Variants in CD2BP2 observed in about 807,000 individuals in gnomAD.
CD2BP2 encodes the protein CD2 antigen cytoplasmic tail-binding protein 2.
Under a neutral mutation model 35.9 loss-of-function variants are expected in CD2BP2, and 27 were observed. The ratio of observed to expected loss-of-function variants is 0.75; its 90% CI spans 0.55 to 1.04. The LOEUF (loss-of-function observed/expected upper bound fraction) is 1.04, where lower values mean the gene tolerates loss of function less well. Among genes scored for constraint, CD2BP2 ranks in the 50% least tolerant of loss-of-function variants. The probability of loss-of-function intolerance (pLI) is 0.00; values close to 1 mark genes in which losing one functional copy is unlikely to be tolerated. For synonymous variants in CD2BP2, 213 were observed against 173.5 expected (o/e 1.23, Z -1.79); for missense variants, 497 against 444.3 (o/e 1.12, Z -1.07).
chr16:30,352,786 G>C lies in CD2BP2; in HGVS notation c.*199C>G, dbSNP rs571726019. ...TGGGAGTACTCAGGGACCAAGACAA[G>C]TCCAAAGGGACTGTGGAGAAGGCCC... On this transcript the variant is annotated 3_prime_UTR_variant, in exon 7 of 7. Coordinates refer to ENST00000305596, the MANE Select transcript of CD2BP2 (RefSeq NM_006110.3). The C allele has an allele frequency of 8.9e-5, 53 of 593,188 alleles. No homozygotes were observed. Among genetic ancestry groups the C allele is most frequent in the African/African-American group, 8.9e-4 (48 of 53,744 alleles). The allele number at this position is 593,188 out of a possible 1,614,324, so 36.7% of individuals were successfully genotyped here.
Position 30,353,443 on chromosome 16 carries a change from G to C in CD2BP2, c.733C>G (p.Pro245Ala), listed in dbSNP as rs1334591609. Residue 245 changes from proline to alanine, a missense_variant, in exon 5 of 7, where the codon CCA (proline) becomes GCA (alanine). Transcript: ENST00000305596. ...TCAGCGAACATGTCCAGGGAGGGTG[G>C]GGGTGTGGGATTGTGGGGTCCTAGG... ...QTLGPHNPTPPPSLDMFAEEL... is the reference protein window; with the variant it reads ...QTLGPHNPTPAPSLDMFAEEL... The C allele has an allele frequency of 1.2e-6, 2 of 1,614,120 alleles. No individual in the cohort carries two copies.
rs753738079 is a variant in CD2BP2 at position 30,353,402 on chromosome 16, C to G, written c.774G>C (p.Glu258Asp). The G allele has an allele frequency of 6.2e-7, 1 of 1,614,046 alleles. No individual in the cohort carries two copies. Among genetic ancestry groups the G allele is most frequent in the African/African-American group, 1.3e-5 (1 of 74,920 alleles). Residue 258 changes from glutamate (E) to aspartate (D), a missense_variant, in exon 5 of 7, where the codon GAG (glutamate) becomes GAC (aspartate). By Grantham distance (45) the Glu-to-Asp change is conservative. Coordinates refer to ENST00000305596, the MANE Select transcript of CD2BP2 (RefSeq NM_006110.3). ...GGGTAGGGGTTGGGGTCTCCAGTTC[C>G]TCCTCCGCCAACTCCTCAGCGAACA... ...LDMFAEELAE[E>D]ELETPTPTQR...
chr16:30,351,030 A>T lies in CD2BP2; in HGVS notation c.*1955T>A, dbSNP rs1337797953. 1 of 152,458 alleles carries T rather than the reference A, an allele frequency of 6.6e-6. No homozygotes were observed. The highest frequency in any genetic ancestry group is 2.4e-5 in the African/African-American group (1 of 41,372). 9.4% of individuals were successfully genotyped at this position (152,458 alleles called of 1,614,324 possible). ...CCCTTCCCTTATAAGGGCCCCCATG[A>T]TTACTCAGGGCCCACCTCAACCATC... is the stretch of plus-strand genomic sequence containing the variant. On this transcript the variant is annotated 3_prime_UTR_variant, in exon 7 of 7. Transcript: ENST00000305596.
At chr16:30,354,465 C>CTT in intron 2 of CD2BP2, 139 bp downstream of exon 2, 1 of 1,355,758 alleles carries the variant, frequency 7.4e-7, no homozygotes, top group Non-Finnish European at 1.0e-6. Context: ...ACTAAAGACG[C>CTT]TCCCAACCCA....
At chr16:30,354,147 G>A in intron 3 of CD2BP2, 37 bp downstream of exon 3, 1 of 1,613,406 alleles carries the variant, frequency 6.2e-7, no homozygotes, top group Middle Eastern at 1.7e-4. Flanking sequence ...GCCCCTACTT[G>A]TTTTTCCAGC....
rs1275657819 is a variant in CD2BP2, at chr16:30,353,502, A to C, written c.674T>G (p.Leu225Trp). ...CCCCAAACCCTTCAGACGCATAGCC[A>C]ACCGTTCCCTTGTTTCCTGGTACAC... is the stretch of plus-strand genomic sequence containing the variant. The part of the protein sequence containing the change: ...LGVYQETRER[L>W]AMRLKGLGCQ... Residue 225 changes from leucine to tryptophan, a missense_variant, in exon 5 of 7, where the codon TTG becomes TGG. By Grantham distance (61) the Leu-to-Trp change is moderately conservative. Transcript: ENST00000305596. The C allele has an allele frequency of 6.8e-6, 11 of 1,614,058 alleles. No individual in the cohort carries two copies. The highest frequency in any genetic ancestry group is 1.3e-5 in the African/African-American group (1 of 74,924).
chr16:30,354,472 C>T, intron 2 of CD2BP2, 132 bp downstream of exon 2: 6 of 1,353,882 alleles, frequency 4.4e-6, no homozygotes, highest in Non-Finnish European at 6.2e-6. Context: ...ACGCTCCCAA[C>T]CCATTCCTCA....
rs1376672352 is a variant in CD2BP2, at chr16:30,353,692, A to C, written c.484T>G (p.Leu162Val). ...MSAQALLEGL[L>V]ELLLPRETVA... is the part of the protein sequence containing the mutation. Reference sequence around the variant, plus strand: ...GTCTCTCTAGGCAATAGGAGCTCCAAAAGTCCCTCCAAGAGGGCTTGGGCA... The same window carrying C: ...GTCTCTCTAGGCAATAGGAGCTCCACAAGTCCCTCCAAGAGGGCTTGGGCA... Residue 162 changes from leucine (L) to valine (V), a missense_variant, in exon 5 of 7, where the codon TTG becomes GTG. Transcript: ENST00000305596. 8 of 1,613,688 alleles carry C rather than the reference A, an allele frequency of 5.0e-6. No homozygotes were observed. Among genetic ancestry groups the C allele is most frequent in the Non-Finnish European group, 5.9e-6 (7 of 1,179,956 alleles).
At chr16:30,354,442 T>C (rs2049516410) in intron 2 of CD2BP2, 120 bp from the exon 3 acceptor site, 1 of 1,400,400 alleles carries the variant, frequency 7.1e-7, no homozygotes, top group Non-Finnish European at 9.8e-7. Flanking sequence ...TCCCCAAATA[T>C]TTCAGGAGCC....
intron 1 of CD2BP2, 80 bp from the exon 2 acceptor site, chr16:30,354,787 G>C (rs1282353119): frequency 9.8e-7 from 1 of 1,015,860 alleles, no homozygotes; most frequent in Non-Finnish European, 1.6e-6. Flanking sequence ...CATTTTTCCT[G>C]GTCTGTGACA....
At position 30,353,602 on chromosome 16, in the gene CD2BP2, G is replaced by T; in HGVS notation, c.574C>A (p.Gln192Lys). The change falls in exon 5 of 7, where the codon CAA becomes AAA. Residue 192 changes from glutamine (Q) to lysine (K), a missense_variant. Coordinates refer to ENST00000305596, the MANE Select transcript of CD2BP2 (RefSeq NM_006110.3). ...GGGKGRKGPG[Q>K]PSSPQRLDRL... is the part of the protein sequence containing the mutation. Reference sequence around the variant, plus strand: ...TCCAGGCGCTGAGGGGAACTGGGTTGCCCAGGCCCCTTTCTCCCTTTGCCT... The same window carrying T: ...TCCAGGCGCTGAGGGGAACTGGGTTTCCCAGGCCCCTTTCTCCCTTTGCCT... The T allele has an allele frequency of 6.2e-7, 1 of 1,613,898 alleles. No homozygotes were observed. Among genetic ancestry groups the T allele is most frequent in the East Asian group, 2.2e-5 (1 of 44,876 alleles).
rs1358213083 is a variant in CD2BP2, at chr16:30,354,207, A to C, written c.194T>G (p.Ile65Ser). 6.2e-7 allele frequency: 1 copy of C among 1,614,010 alleles called. No individual in the cohort carries two copies. The highest frequency in any genetic ancestry group is 8.5e-7 in the Non-Finnish European group (1 of 1,179,988). Residue 65 changes from isoleucine to serine, a missense_variant, in exon 3 of 7, where the codon ATC (isoleucine) becomes AGC (serine). Coordinates refer to ENST00000305596, the MANE Select transcript of CD2BP2 (RefSeq NM_006110.3). Reference protein sequence around the residue: ...DDDGGSSKYDILASEDVEGQE... With the variant: ...DDDGGSSKYDSLASEDVEGQE... ...ACCTTCTACATCCTCTGAGGCCAAG[A>C]TGTCATATTTGCTGGACCCCCCATC...
rs2049480084 is a variant in CD2BP2 at position 30,351,347 on chromosome 16, G to T, written c.*1638C>A. On this transcript the variant is annotated 3_prime_UTR_variant, in exon 7 of 7. Transcript: ENST00000305596. ...CAGCACCCCTGAGACCATCCCTGGGGCCTACAGGAGAACCCTGTACCTCAG... is the reference window on the plus strand; with the variant it reads ...CAGCACCCCTGAGACCATCCCTGGGTCCTACAGGAGAACCCTGTACCTCAG... 1 of 152,302 alleles carries T rather than the reference G, an allele frequency of 6.6e-6. No individual in the cohort carries two copies. Among genetic ancestry groups the T allele is most frequent in the South Asian group, 2.1e-4 (1 of 4,832 alleles). 9.4% of individuals were successfully genotyped at this position (152,302 alleles called of 1,614,324 possible).
rs1237844480 is a variant in CD2BP2 at position 30,353,696 on chromosome 16, T to A, written c.480A>T (p.Gly160=). The A allele has an allele frequency of 4.3e-6, 7 of 1,613,600 alleles. No homozygotes were observed. The highest frequency in any genetic ancestry group is 5.9e-6 in the Non-Finnish European group (7 of 1,179,938). The part of the protein sequence containing the change: ...TSMSAQALLE[G]LLELLLPRET... ...CTCTAGGCAATAGGAGCTCCAAAAG[T>A]CCCTCCAAGAGGGCTTGGGCACTCA... The change falls in exon 5 of 7, where the codon GGA becomes GGT. Residue 160 remains glycine, a synonymous_variant. Transcript: ENST00000305596.
intron 4 of CD2BP2, 24 bp from the exon 5 acceptor site, chr16:30,353,824 T>C: frequency 6.2e-7 from 1 of 1,605,850 alleles, no homozygotes; most frequent in East Asian, 2.2e-5. Flanking sequence ...ATGGAGTGAT[T>C]TCCCACCAAC....
In CD2BP2 at chr16:30,354,240, T is replaced by C. The variant is rs763155503; in HGVS notation, c.161A>G (p.Asp54Gly). ...KHSLDSDEEE[D>G]DDDGGSSKYD... ...TTTGCTGGACCCCCCATCATCATCA[T>C]CCTCCTCCTCATCGCTATCCAAAGA... is the stretch of plus-strand genomic sequence containing the variant. Residue 54 changes from aspartate (D) to glycine (G), a missense_variant, in exon 3 of 7, where the codon GAT becomes GGT. By Grantham distance (94) the Asp-to-Gly change is moderately conservative. Transcript: ENST00000305596. 3.7e-6 allele frequency: 6 copies of C among 1,613,794 alleles called. No homozygotes were observed. Among genetic ancestry groups the C allele is most frequent in the Non-Finnish European group, 3.4e-6 (4 of 1,179,976 alleles).
intron 3 of CD2BP2, 53 bp downstream of exon 3, chr16:30,354,131 C>T: frequency 1.9e-6 from 3 of 1,613,034 alleles, no homozygotes; most frequent in Non-Finnish European, 2.5e-6. Context: ...CTCCACACCA[C>T]CAGAGGCCCC....
Position 30,353,141 on chromosome 16 carries a change from GAAGCAGGGACAAGGCAGGAGGAGGGAGA to G in CD2BP2, c.915+12_915+39del, listed in dbSNP as rs2049497371. The G allele has an allele frequency of 3.1e-6, 5 of 1,607,300 alleles. No homozygotes were observed. Among genetic ancestry groups the G allele is most frequent in the Non-Finnish European group, 4.3e-6 (5 of 1,173,768 alleles). On this transcript the variant is annotated intron_variant, in intron 6 of 6. Transcript: ENST00000305596. ...TGGGGAACAACTGACAGGAGTGGGG[GAAGCAGGGACAAGGCAGGAGGAGGGAGA>G]AAGCAGCTCACCTGCATCTGGGCGC... is the stretch of plus-strand genomic sequence containing the variant.
chr16:30,355,049 C>A lies in CD2BP2; in HGVS notation c.-27+163G>T, dbSNP rs79108883. On this transcript the variant is annotated intron_variant, in intron 1 of 6. Transcript: ENST00000305596. ...CCCCCGCTCTCTACCCTGGCTCTCT[C>A]GGAGCTCGCCGGGCCCCGGCAGACC... 6.2e-4 allele frequency: 166 copies of A among 269,376 alleles called. 2 individuals are homozygous for A. In the East Asian group the frequency reaches 9.5e-3, roughly 15 times the overall value. The allele number at this position is 269,376 out of a possible 1,614,324, so 16.7% of individuals were successfully genotyped here. A position where few individuals can be genotyped will look rare whatever the true frequency, so the allele number is the denominator to read the frequency against.
Sources: allele counts gnomAD v4.1 joint callset, GRCh38; gene constraint gnomAD v4.1.1; transcripts MANE v1.5; gene names NCBI Gene and HGNC (gene_info 2026-07-23, HGNC 2026-07-21).